Variants in RTKN2 observed in about 807,000 individuals in gnomAD.
RTKN2 encodes rhotekin 2.
Under a neutral mutation model 71.5 loss-of-function variants are expected in RTKN2, and 69 were observed. That is an observed-to-expected ratio of 0.96 (90% CI 0.79 to 1.18). The LOEUF (loss-of-function observed/expected upper bound fraction) is 1.18. Ranked by LOEUF, RTKN2 falls within the 50% of genes most tolerant of loss-of-function variation. The pLI is 0.00. For synonymous variants in RTKN2, 236 were observed against 236.5 expected (o/e 1.00, Z 0.02); for missense variants, 724 against 719.7 (o/e 1.01, Z -0.07).
chr10:62,212,965 C>A (rs1841692989), intron 9 of RTKN2, among the ~76,000 whole-genome samples: 1 of 152,028 alleles, frequency 6.6e-6, no homozygotes, highest in African/African-American at 2.4e-5. Flanking sequence ...AATGCTATAC[C>A]AATACATGAC....
chr10:62,200,337 T>C (rs1841415326), intron 10 of RTKN2, among the ~76,000 whole-genome samples: 1 of 115,710 alleles, frequency 8.6e-6, no homozygotes, highest in Admixed American at 1.3e-4. Context: ...CACTCCAGAC[T>C]GGGCAACAGA....
chr10:62,266,085 T>C (rs990837666), intron 1 of RTKN2, among the ~76,000 whole-genome samples: 1 of 152,220 alleles, frequency 6.6e-6, no homozygotes, highest in African/African-American at 2.4e-5. Context: ...AGTAAGGGCT[T>C]GCCTCTAATC....
rs996214945 is a variant in RTKN2, at chr10:62,237,905, A to C, written c.489-1642T>G. Among the ~76,000 whole-genome samples the C allele has an allele frequency of 2.6e-5, 4 of 151,776 alleles. No individual in the cohort carries two copies. In the East Asian group the frequency reaches 7.7e-4, roughly 29 times the overall value. On this transcript the variant is annotated intron_variant, in intron 5 of 11. Transcript: ENST00000373789. ...ATACGCAAAATTCTGCAATTTTAGC[A>C]AATGTTAAGATTGGCTTTACCCTTT...
chr10:62,186,610 C>G (rs1056809063), intron 8 of RTKN2, among the ~76,000 whole-genome samples: 1 of 152,170 alleles, frequency 6.6e-6, no homozygotes, highest in Non-Finnish European at 1.5e-5. Flanking sequence ...AACCCCTTCC[C>G]GCTCTCAAGT....
intron 2 of RTKN2, among the ~76,000 whole-genome samples, chr10:62,260,578 C>T (rs938118522): frequency 5.9e-5 from 9 of 151,852 alleles, no homozygotes; most frequent in Non-Finnish European, 1.2e-4. Context: ...ATATTCTCAT[C>T]TATCACAGAT....
intron 8 of RTKN2, chr10:62,184,478 A>C: frequency 1.6e-6 from 1 of 637,184 alleles, no homozygotes; most frequent in Non-Finnish European, 2.6e-6. Flanking sequence ...AAAGGCAGTC[A>C]GTGGAAAAGA....
rs937042869 is a variant in RTKN2, at chr10:62,239,702, A to G, written c.434T>C (p.Val145Ala). The change falls in exon 5 of 12, where the codon GTG becomes GCG. Residue 145 changes from valine to alanine, a missense_variant. Coordinates refer to ENST00000373789, the MANE Select transcript of RTKN2 (RefSeq NM_145307.4). ...KMGANVFDTD[V>A]VNVDKTITDI... ...TGTGATTGTTTTATCCACATTCACCACATCAGTATCAAACACATTAGCTCC... is the reference window on the plus strand; with the variant it reads ...TGTGATTGTTTTATCCACATTCACCGCATCAGTATCAAACACATTAGCTCC... 44 of 1,586,756 alleles carry G rather than the reference A, an allele frequency of 2.8e-5. 2 individuals carry two copies. Among genetic ancestry groups the G allele is most frequent in the Non-Finnish European group, 5.2e-6 (6 of 1,163,798 alleles).
At chr10:62,209,488 G>A (rs1030478281) in intron 9 of RTKN2, among the ~76,000 whole-genome samples, 1 of 151,994 alleles carries the variant, frequency 6.6e-6, no homozygotes, top group South Asian at 2.1e-4. Flanking sequence ...TTTAAGTTCA[G>A]GGGTACAAGT....
At chr10:62,262,468 GT>G (rs1388124549) in intron 2 of RTKN2, among the ~76,000 whole-genome samples, 156 bp downstream of exon 2, 1 of 152,140 alleles carries the variant, frequency 6.6e-6, no homozygotes, top group Non-Finnish European at 1.5e-5. Flanking sequence ...TCTGAGCTGT[GT>G]CGGCAAACTG....
rs1041041936 is a variant in RTKN2, at chr10:62,193,767, C to G, written c.*4141G>C. The G allele has an allele frequency of 1.0e-6, 1 of 985,076 alleles. No homozygotes were observed. The highest frequency in any genetic ancestry group is 1.2e-6 in the Non-Finnish European group (1 of 829,724). The allele number at this position is 985,076 out of a possible 1,614,324, so 61.0% of individuals were successfully genotyped here. ...TCTGGGGAAATTCTGGATCACTAAACTAAAAGTAAGGTTATGTCAATGGAT... is the reference window on the plus strand; with the variant it reads ...TCTGGGGAAATTCTGGATCACTAAAGTAAAAGTAAGGTTATGTCAATGGAT... On this transcript the variant is annotated 3_prime_UTR_variant, in exon 12 of 12. Transcript: ENST00000373789.
At chr10:62,189,376 G>T (rs894573532), downstream of RTKN2, among the ~76,000 whole-genome samples, 15 of 152,156 alleles carry the variant, frequency 9.9e-5, no homozygotes, top group African/African-American at 3.6e-4. Context: ...GATTCATTTT[G>T]AATGTCCAAC....
downstream of RTKN2, among the ~76,000 whole-genome samples, chr10:62,188,130 A>G (rs1032753664): frequency 2.0e-5 from 3 of 152,220 alleles, no homozygotes; most frequent in African/African-American, 7.2e-5. Context: ...TTTTCCTATT[A>G]TCAGTTACTA....
chr10:62,224,688 C>T (rs1276760726), intron 6 of RTKN2, among the ~76,000 whole-genome samples: 1 of 151,996 alleles, frequency 6.6e-6, no homozygotes, highest in East Asian at 1.9e-4. Context: ...AAACTGAGGA[C>T]CTGTGGTAGG....
At chr10:62,215,051 A>C (rs1177006070) in intron 9 of RTKN2, 4 of 1,512,634 alleles carry the variant, frequency 2.6e-6, no homozygotes, top group Non-Finnish European at 3.6e-6. Context: ...AGATATGGCG[A>C]GTTGAATTCC....
rs1258041101 is a variant in RTKN2 at position 62,195,463 on chromosome 10, T to C, written c.*2445A>G. 9.3e-6 allele frequency: 9 copies of C among 969,822 alleles called. No individual in the cohort carries two copies. The highest frequency in any genetic ancestry group is 4.8e-5 in the South Asian group (1 of 20,882). The allele number at this position is 969,822 out of a possible 1,614,324, so 60.1% of individuals were successfully genotyped here. On this transcript the variant is annotated 3_prime_UTR_variant, in exon 12 of 12. Transcript: ENST00000373789. ...CTATTTTTAGATTTTTTTTTTAAAC[T>C]GTAAAGGAAGGGAGGAAGGAGAGAC...
intron 3 of RTKN2, among the ~76,000 whole-genome samples, chr10:62,243,863 A>G (rs1842428434): frequency 6.6e-6 from 1 of 152,188 alleles, no homozygotes; most frequent in Non-Finnish European, 1.5e-5. Context: ...TCTGTCTATC[A>G]TTTTCAAAAG....
intron 3 of RTKN2, among the ~76,000 whole-genome samples, chr10:62,242,154 T>C (rs1189141110): frequency 6.6e-6 from 1 of 152,038 alleles, no homozygotes; most frequent in South Asian, 2.1e-4. Context: ...GGCAACACTA[T>C]ACTACTGTTA....
chr10:62,242,978 T>C (rs1375639212), intron 3 of RTKN2, among the ~76,000 whole-genome samples: 3 of 152,174 alleles, frequency 2.0e-5, no homozygotes, highest in Non-Finnish European at 4.4e-5. Flanking sequence ...ATTTATTTAC[T>C]TTTTAAATTT....
rs750465849 is a variant in RTKN2 at position 62,193,413 on chromosome 10, T to C, written c.*4495A>G. 13 of 981,310 alleles carry C rather than the reference T, an allele frequency of 1.3e-5. No individual in the cohort carries two copies. Among genetic ancestry groups the C allele is most frequent in the Non-Finnish European group, 1.6e-5 (13 of 826,114 alleles). 60.8% of individuals were successfully genotyped at this position (981,310 alleles called of 1,614,324 possible). On this transcript the variant is annotated 3_prime_UTR_variant, in exon 12 of 12. Transcript: ENST00000373789. ...TCAGCATTAGTATTTTCTCCCATACTCAGATAAAGAAAAATGTTTGTTAAA... is the reference window on the plus strand; with the variant it reads ...TCAGCATTAGTATTTTCTCCCATACCCAGATAAAGAAAAATGTTTGTTAAA...
Sources: gnomAD v4.1 joint callset for allele counts (sites outside exome capture counted in the v4.1 genomes callset) on GRCh38, gnomAD v4.1.1 for gene constraint, MANE v1.5 for transcripts, NCBI Gene and HGNC (gene_info 2026-07-23, HGNC 2026-07-21) for gene names.